Variants in MLLT3 observed in about 807,000 individuals in gnomAD.
The protein encoded by MLLT3 is protein AF-9.
In MLLT3, 4 loss-of-function variants were observed where a neutral mutation model predicts 53.2. That is an observed-to-expected ratio of 0.08 (90% CI 0.04 to 0.17). The LOEUF (loss-of-function observed/expected upper bound fraction) is 0.17. MLLT3 is among the 10% of genes least tolerant of loss of function. The pLI is 1.00. For missense variants in MLLT3, 569 were observed against 684.0 expected (o/e 0.83, Z 1.87); for synonymous variants, 283 against 230.6 (o/e 1.23, Z -2.06).
At position 20,414,247 on chromosome 9, in the gene MLLT3, A is replaced by T. The variant is rs750158888; in HGVS notation, c.599T>A (p.Met200Lys). 1.9e-6 allele frequency: 3 copies of T among 1,613,434 alleles called. No homozygotes were observed. Among genetic ancestry groups the T allele is most frequent in the Non-Finnish European group, 2.5e-6 (3 of 1,179,854 alleles). ...AGAAGGTTTTTCCTTGTGCTCCTTC[A>T]TTAATTTGTGAGGCTTTGAAAAACT... ...STSFSKPHKL[M>K]KEHKEKPSKD... The change falls in exon 5 of 11, where the codon ATG (methionine) becomes AAG (lysine). Residue 200 changes from methionine to lysine, a missense_variant. This residue lies in a region of MLLT3 where 437 missense variants were observed against 376.5 expected (regional missense o/e 1.16). Transcript: ENST00000380338.
intron 2 of MLLT3, among the ~76,000 whole-genome samples, chr9:20,513,166 C>A (rs943624589): frequency 6.6e-6 from 1 of 152,162 alleles, no homozygotes; most frequent in African/African-American, 2.4e-5. Context: ...GGCAGACAGC[C>A]TAATGCCTAA....
At chr9:20,436,048 C>A (rs1333372105) in intron 4 of MLLT3, among the ~76,000 whole-genome samples, 1 of 152,130 alleles carries the variant, frequency 6.6e-6, no homozygotes, top group Non-Finnish European at 1.5e-5. Context: ...AGCGGAAAAT[C>A]TTTTAATATC....
intron 2 of MLLT3, among the ~76,000 whole-genome samples, chr9:20,563,175 G>C (rs111671424): frequency 1.1e-3 from 162 of 152,142 alleles, no homozygotes; most frequent in African/African-American, 3.8e-3. Flanking sequence ...ATCAACTCCA[G>C]ACATAAATAT....
intron 4 of MLLT3, among the ~76,000 whole-genome samples, chr9:20,444,375 A>G (rs148006081): frequency 1.6e-4 from 25 of 152,272 alleles, no homozygotes; most frequent in Non-Finnish European, 3.7e-4. Context: ...AAGACATATT[A>G]TGTTTGTTCT....
At chr9:20,591,104 C>G (rs903283256) in intron 2 of MLLT3, among the ~76,000 whole-genome samples, 3 of 152,042 alleles carry the variant, frequency 2.0e-5, no homozygotes, top group Non-Finnish European at 4.4e-5. Flanking sequence ...ACCCACAATC[C>G]CAAATCAATT....
chr9:20,444,473 A>G (rs772829204), intron 4 of MLLT3, among the ~76,000 whole-genome samples: 8 of 152,138 alleles, frequency 5.3e-5, no homozygotes, highest in Non-Finnish European at 1.2e-4. Context: ...CCTTAATATA[A>G]TAACATACAA....
At chr9:20,353,372 A>G (rs1821084469) in intron 10 of MLLT3, among the ~76,000 whole-genome samples, 153 bp downstream of exon 10, 1 of 152,232 alleles carries the variant, frequency 6.6e-6, no homozygotes, top group Admixed American at 6.5e-5. Context: ...GTGGCCTCAG[A>G]AATGAGAACC....
intron 2 of MLLT3, among the ~76,000 whole-genome samples, chr9:20,463,640 G>A (rs1196802180): frequency 6.6e-6 from 1 of 152,108 alleles, no homozygotes; most frequent in Non-Finnish European, 1.5e-5. Flanking sequence ...TGTTTCAAAT[G>A]ATTAGCCTAG....
In MLLT3 at chr9:20,397,806, G is replaced by C. The variant is rs181401004; in HGVS notation, c.1125+15915C>G. ...ATCCCACAGTGATAAATTATATTTG[G>C]GTATAATTTTTGTCTCATAGATGTA... On this transcript the variant is annotated intron_variant, in intron 5 of 10. Coordinates refer to ENST00000380338, the MANE Select transcript of MLLT3 (RefSeq NM_004529.4). Among the ~76,000 whole-genome samples the C allele has an allele frequency of 9.4e-4, 142 of 151,750 alleles. 2 individuals are homozygous for C. The highest frequency in any genetic ancestry group is 8.2e-3 in the Admixed American group (125 of 15,224).
At chr9:20,388,085 T>C (rs1216900220) in intron 5 of MLLT3, among the ~76,000 whole-genome samples, 1 of 152,178 alleles carries the variant, frequency 6.6e-6, no homozygotes, top group East Asian at 1.9e-4. Flanking sequence ...AGATGAAATT[T>C]TTCACACTAG....
At chr9:20,578,537 G>C (rs1057489992) in intron 2 of MLLT3, among the ~76,000 whole-genome samples, 12 of 151,884 alleles carry the variant, frequency 7.9e-5, no homozygotes, top group Non-Finnish European at 1.3e-4. Flanking sequence ...AAAAAGAAGA[G>C]AAGATGGGAA....
In MLLT3 at chr9:20,581,114, C is replaced by T. The variant is rs563967930; in HGVS notation, c.193+39540G>A. ...TCATTTATAGTTTAGGACTGCTGAA[C>T]GAACCTTTCAAGACCATGTTTCTTT... On this transcript the variant is annotated intron_variant, in intron 2 of 10. Coordinates refer to ENST00000380338, the MANE Select transcript of MLLT3 (RefSeq NM_004529.4). 1.4e-4 allele frequency among the ~76,000 whole-genome samples: 22 copies of T among 152,272 alleles called. No homozygotes were observed. The South Asian group carries it at 4.3e-3, about 30-fold the overall frequency.
At chr9:20,512,052 GAA>G (rs954831508) in intron 2 of MLLT3, among the ~76,000 whole-genome samples, 1 of 152,182 alleles carries the variant, frequency 6.6e-6, no homozygotes. Context: ...AGTCTGAGCT[GAA>G]GATGAGACAC....
At chr9:20,449,937 G>A (rs1331588127) in intron 3 of MLLT3, among the ~76,000 whole-genome samples, 1 of 152,182 alleles carries the variant, frequency 6.6e-6, no homozygotes, top group Non-Finnish European at 1.5e-5. Flanking sequence ...CAAGGAGTCA[G>A]TTCCACCTGT....
chr9:20,470,727 T>C (rs1295049185), intron 2 of MLLT3, among the ~76,000 whole-genome samples: 1 of 151,914 alleles, frequency 6.6e-6, no homozygotes, highest in Non-Finnish European at 1.5e-5. Context: ...AAACCAAAGG[T>C]ACAAAGGAGG....
At chr9:20,567,304 TAAAAAAAAAAA>T (rs35505450) in intron 2 of MLLT3, among the ~76,000 whole-genome samples, 6 of 79,960 alleles carry the variant, frequency 7.5e-5, no homozygotes, top group East Asian at 3.4e-4. Flanking sequence ...CTATATTCAG[TAAAAAAAAAAA>T]AAAAAAAAAA....
chr9:20,440,370 A>T (rs1040699358), intron 4 of MLLT3, among the ~76,000 whole-genome samples: 1 of 152,198 alleles, frequency 6.6e-6, no homozygotes, highest in East Asian at 1.9e-4. Context: ...TTCGAGTCTC[A>T]GACATTTGTT....
At chr9:20,565,609 T>A (rs2131156987) in intron 2 of MLLT3, among the ~76,000 whole-genome samples, 1 of 152,130 alleles carries the variant, frequency 6.6e-6, no homozygotes, top group East Asian at 1.9e-4. Context: ...CATGAGTTTT[T>A]AAAACATGCC....
intron 2 of MLLT3, among the ~76,000 whole-genome samples, chr9:20,566,887 CA>C (rs1414354359): frequency 2.1e-4 from 32 of 152,196 alleles, no homozygotes; most frequent in African/African-American, 7.2e-4. Flanking sequence ...GGAGGAATAG[CA>C]GCATATCCAT....
Sources: gnomAD v4.1 joint callset for allele counts (sites outside exome capture counted in the v4.1 genomes callset) on GRCh38, gnomAD v4.1.1 for gene constraint, gnomAD v4.1.1 regional missense constraint, MANE v1.5 for transcripts, NCBI Gene and HGNC (gene_info 2026-07-23, HGNC 2026-07-21) for gene names.